The following MIA2 variants were observed in gnomAD, a reference collection of about 807,000 sequenced individuals.
MIA2 encodes the protein melanoma inhibitory activity protein 2.
A neutral mutation model predicts 167.8 loss-of-function variants in MIA2; 127 were observed. That is an observed-to-expected ratio of 0.76 (90% CI 0.66 to 0.88). The LOEUF is 0.88. Ranked by LOEUF, MIA2 falls within the 40% of genes least tolerant of loss-of-function variation. The pLI, the probability that MIA2 is intolerant of heterozygous loss-of-function variation, is 0.00. For missense variants in MIA2, 1,690 were observed against 1,624.7 expected (o/e 1.04, Z -0.69); for synonymous variants, 552 against 541.9 (o/e 1.02, Z -0.26).
intron 25 of MIA2, among the ~76,000 whole-genome samples, chr14:39,345,399 C>A (rs2073018352): frequency 6.6e-6 from 1 of 152,094 alleles, no homozygotes; most frequent in Admixed American, 6.6e-5. Flanking sequence ...GGAATAGATA[C>A]TAAATTCCAA....
chr14:39,268,119 C>T (rs2056346495), intron 6 of MIA2, among the ~76,000 whole-genome samples: 1 of 151,266 alleles, frequency 6.6e-6, no homozygotes, highest in African/African-American at 2.4e-5. Flanking sequence ...TTTTATTTTT[C>T]AGGTCTAGTT....
intron 13 of MIA2, among the ~76,000 whole-genome samples, chr14:39,299,458 C>T (rs2152868362): frequency 6.6e-6 from 1 of 151,938 alleles, no homozygotes; most frequent in South Asian, 2.1e-4. Flanking sequence ...CAGGCGCGTG[C>T]CACCATGCCA....
chr14:39,297,636 C>T (rs1489810978), intron 13 of MIA2, among the ~76,000 whole-genome samples: 1 of 148,780 alleles, frequency 6.7e-6, no homozygotes, highest in African/African-American at 2.5e-5. Flanking sequence ...CAGGTTCCAC[C>T]TCTCCAAAGA....
chr14:39,274,431 CTTTTTTTTT>C (rs547198743), intron 6 of MIA2, among the ~76,000 whole-genome samples: 1 of 136,986 alleles, frequency 7.3e-6, no homozygotes, highest in East Asian at 2.1e-4. Flanking sequence ...TTCTTTTTTT[CTTTTTTTTT>C]TTTTTTGAGA....
intron 10 of MIA2, among the ~76,000 whole-genome samples, chr14:39,292,949 C>G (rs1297689249): frequency 1.3e-5 from 2 of 151,976 alleles, no homozygotes. Flanking sequence ...AATGGGCTCT[C>G]CACTTTTTTT....
chr14:39,286,096 C>G (rs989442580), intron 9 of MIA2, among the ~76,000 whole-genome samples: 1 of 152,178 alleles, frequency 6.6e-6, no homozygotes, highest in Non-Finnish European at 1.5e-5. Flanking sequence ...AGGCAGGTGG[C>G]TGGGAGGTGG....
chr14:39,365,074 G>GT (rs61123873), intron 23 of MIA2, among the ~76,000 whole-genome samples: 12,060 of 150,040 alleles, frequency 0.08, 1,575 homozygotes, highest in African/African-American at 0.27. Context: ...GGGTTTTGTT[G>GT]TTTTTTTTTG....
chr14:39,344,738 A>T (rs2072835649), intron 25 of MIA2, among the ~76,000 whole-genome samples: 1 of 152,100 alleles, frequency 6.6e-6, no homozygotes, highest in Non-Finnish European at 1.5e-5. Context: ...TACACAATTC[A>T]CCTTCTTTGT....
intron 10 of MIA2, 48 bp downstream of exon 10, chr14:39,291,144 A>G (rs1158445607): frequency 1.3e-6 from 2 of 1,504,054 alleles, no homozygotes; most frequent in East Asian, 2.3e-5. Context: ...AAAAAATACT[A>G]AGTAACAAAA....
At chr14:39,338,320 T>C (rs997922126) in intron 25 of MIA2, among the ~76,000 whole-genome samples, 1 of 152,208 alleles carries the variant, frequency 6.6e-6, no homozygotes, top group Non-Finnish European at 1.5e-5. Context: ...GCAGGATCTC[T>C]CTGTAGTATT....
chr14:39,276,714 G>C, intron 6 of MIA2: 1 of 472,246 alleles, frequency 2.1e-6, no homozygotes, highest in Non-Finnish European at 3.8e-6. Context: ...AGTCACCTCT[G>C]TAGAACTCCA....
chr14:39,280,977 C>T (rs2058845457), intron 9 of MIA2, among the ~76,000 whole-genome samples: 1 of 122,078 alleles, frequency 8.2e-6, no homozygotes, highest in Non-Finnish European at 1.6e-5. Flanking sequence ...GGCTGCAGTA[C>T]AGTGGTGTGA....
intron 9 of MIA2, among the ~76,000 whole-genome samples, chr14:39,288,463 A>T (rs1284796022): frequency 0.6 from 17,926 of 29,660 alleles, 4,644 homozygotes; most frequent in East Asian, 0.73. Context: ...ATATATATAT[A>T]TATATATATA....
intron 25 of MIA2, among the ~76,000 whole-genome samples, chr14:39,337,346 A>G (rs996337372): frequency 6.6e-6 from 1 of 152,210 alleles, no homozygotes; most frequent in Non-Finnish European, 1.5e-5. Context: ...TGGAGACTTC[A>G]ACACCCCTCT....
At position 39,302,245 on chromosome 14, in the gene MIA2, C is replaced by T. The variant is rs1474029755; in HGVS notation, c.2736C>T (p.Tyr912=). The T allele has an allele frequency of 6.2e-7, 1 of 1,613,548 alleles. No individual in the cohort carries two copies. The highest frequency in any genetic ancestry group is 8.5e-7 in the Non-Finnish European group (1 of 1,179,658). ...ACAGTGAATCGGAAAATGGTGCTTACTTAGGTATTAAGTCATGACTCATCT... is the reference window on the plus strand; with the variant it reads ...ACAGTGAATCGGAAAATGGTGCTTATTTAGGTATTAAGTCATGACTCATCT... ...EMNSESENGA[Y]LDNPPKGALK... The change falls in exon 15 of 29, where the codon TAC becomes TAT. Residue 912 remains tyrosine (Y), a synonymous_variant. Transcript: ENST00000640607.
rs757219069 is a variant in MIA2, at chr14:39,247,934, A to G, written c.1360A>G (p.Ile454Val). Residue 454 changes from isoleucine to valine, a missense_variant, in exon 4 of 29, where the codon ATA (isoleucine) becomes GTA (valine). By Grantham distance (29) the Ile-to-Val change is conservative. Transcript: ENST00000640607. The part of the protein sequence containing the change: ...VSEKTDESDT[I>V]PYLKKFLYNF... ...AGAAAAAACAGACGAATCTGATACT[A>G]TACCATATTTGAAAAAGTTCTTGTA... The G allele has an allele frequency of 1.3e-6, 2 of 1,598,980 alleles. No individual in the cohort carries two copies. The highest frequency in any genetic ancestry group is 1.8e-5 in the Admixed American group (1 of 55,502).
At chr14:39,313,072 C>A (rs2064634245) in intron 18 of MIA2, among the ~76,000 whole-genome samples, 1 of 151,928 alleles carries the variant, frequency 6.6e-6, no homozygotes, top group Non-Finnish European at 1.5e-5. Context: ...TATCTTTGAT[C>A]CTATTTTTAA....
chr14:39,306,893 T>C (rs73277476), intron 17 of MIA2, among the ~76,000 whole-genome samples: 2,827 of 152,274 alleles, frequency 0.019, 98 homozygotes, highest in African/African-American at 0.064. Flanking sequence ...GAGGTAATTA[T>C]GTTAGAAGAG....
downstream of MIA2, among the ~76,000 whole-genome samples, chr14:39,356,359 C>G (rs568339002): frequency 2.2e-4 from 33 of 152,252 alleles, no homozygotes; most frequent in African/African-American, 7.5e-4. Context: ...TTATAGTATT[C>G]TCTGATGGTA....
Sources: allele counts gnomAD v4.1 joint callset (sites outside exome capture counted in the v4.1 genomes callset), GRCh38; gene constraint gnomAD v4.1.1; transcripts MANE v1.5; gene names NCBI Gene and HGNC (gene_info 2026-07-23, HGNC 2026-07-21).